The following ZNF366 variants were observed in gnomAD, a reference collection of about 807,000 sequenced individuals.
The protein encoded by ZNF366 is dendritic cell-specific transcript protein.
Under a neutral mutation model 47.2 loss-of-function variants are expected in ZNF366, and 20 were observed. The ratio of observed to expected loss-of-function variants is 0.42; its 90% CI spans 0.30 to 0.62. ZNF366 has a LOEUF of 0.62. ZNF366 is among the 20% of genes least tolerant of loss of function. ZNF366 has a pLI of 0.16. For missense variants in ZNF366, 987 were observed against 976.3 expected (o/e 1.01, Z -0.15); for synonymous variants, 421 against 395.1 (o/e 1.07, Z -0.78).
At chr5:72,486,234 G>A (rs1239376421) in intron 1 of ZNF366, among the ~76,000 whole-genome samples, 3 of 152,210 alleles carry the variant, frequency 2.0e-5, no homozygotes, top group African/African-American at 7.2e-5. Context: ...TGAGACTAAA[G>A]CTTAGCCTAT....
chr5:72,473,593 A>T (rs1743613144), intron 1 of ZNF366, among the ~76,000 whole-genome samples: 1 of 152,182 alleles, frequency 6.6e-6, no homozygotes, highest in Non-Finnish European at 1.5e-5. Context: ...CTGATTGGCC[A>T]TCCAGAAATG....
chr5:72,448,541 T>A (rs10069831), intron 3 of ZNF366, among the ~76,000 whole-genome samples: 48,286 of 151,948 alleles, frequency 0.32, 8,205 homozygotes, highest in East Asian at 0.38. Flanking sequence ...TGTCTGTGAT[T>A]GGACAAGAAT....
intron 3 of ZNF366, among the ~76,000 whole-genome samples, chr5:72,455,558 A>G (rs1475583869): frequency 3.9e-5 from 6 of 152,180 alleles, no homozygotes; most frequent in Non-Finnish European, 8.8e-5. Context: ...GTCATGGCCA[A>G]TGCTCTCTCC....
intron 1 of ZNF366, among the ~76,000 whole-genome samples, chr5:72,463,804 T>C (rs757913055): frequency 3.3e-5 from 5 of 152,226 alleles, no homozygotes; most frequent in Non-Finnish European, 5.9e-5. Context: ...GGTCCTGATC[T>C]CTAGATTCAC....
At position 72,461,391 on chromosome 5, in the gene ZNF366, C is replaced by G; in HGVS notation, c.106G>C (p.Gly36Arg). Residue 36 changes from glycine to arginine, a missense_variant, in exon 2 of 5, where the codon GGA becomes CGA. Around this residue, in one of 3 missense-constraint regions of ZNF366, gnomAD observed 591 missense variants for 560.9 expected, o/e 1.05. Coordinates refer to ENST00000318442, the MANE Select transcript of ZNF366 (RefSeq NM_152625.3). ...PHCLQPVASR[G>R]KAPQRHPFPE... ...AAGGGGTGTCTTTGGGGAGCCTTTC[C>G]CCGAGAAGCCACTGGCTGCAGGCAG... 1 of 1,613,758 alleles carries G rather than the reference C, an allele frequency of 6.2e-7. No homozygotes were observed. The highest frequency in any genetic ancestry group is 8.5e-7 in the Non-Finnish European group (1 of 1,179,804).
chr5:72,455,098 G>A (rs1235083273), intron 3 of ZNF366, among the ~76,000 whole-genome samples: 2 of 152,146 alleles, frequency 1.3e-5, no homozygotes, highest in Non-Finnish European at 2.9e-5. Flanking sequence ...GATGTAAATT[G>A]ACTTTCGAAC....
chr5:72,450,547 T>G (rs1023645890), intron 3 of ZNF366, among the ~76,000 whole-genome samples: 4 of 152,122 alleles, frequency 2.6e-5, no homozygotes, highest in African/African-American at 9.7e-5. Flanking sequence ...CATGCAAAAT[T>G]CTAAAAAGCA....
At chr5:72,453,093 C>T (rs1215096967) in intron 3 of ZNF366, among the ~76,000 whole-genome samples, 3 of 152,188 alleles carry the variant, frequency 2.0e-5, no homozygotes, top group Non-Finnish European at 4.4e-5. Flanking sequence ...TTGTTAATGC[C>T]TAATCCCACA....
At chr5:72,484,350 G>A (rs1340086700) in intron 1 of ZNF366, among the ~76,000 whole-genome samples, 6 of 150,072 alleles carry the variant, frequency 4.0e-5, no homozygotes, top group African/African-American at 1.5e-4. Flanking sequence ...CGGGCGTAGT[G>A]GCGGGCGCCT....
Position 72,460,876 on chromosome 5 carries a change from C to T in ZNF366, c.621G>A (p.Gln207=), listed in dbSNP as rs770012293. The change falls in exon 2 of 5, where the codon CAG becomes CAA. Residue 207 remains glutamine (Q), a synonymous_variant. Transcript: ENST00000318442. ...PFSRHTFLPK[Q]PPEPLLPRKA... Reference sequence around the variant, plus strand: ...TCCGGGGCAGCAGAGGTTCCGGGGGCTGCTTGGGCAGGAAGGTGTGCCGGC... The same window carrying T: ...TCCGGGGCAGCAGAGGTTCCGGGGGTTGCTTGGGCAGGAAGGTGTGCCGGC... 1.9e-6 allele frequency: 3 copies of T among 1,613,856 alleles called. No homozygotes were observed. Among genetic ancestry groups the T allele is most frequent in the Non-Finnish European group, 2.5e-6 (3 of 1,179,846 alleles).
chr5:72,469,457 C>A (rs1254890323), intron 1 of ZNF366, among the ~76,000 whole-genome samples: 2 of 152,042 alleles, frequency 1.3e-5, no homozygotes, highest in African/African-American at 2.4e-5. Context: ...GCCAAGGTGA[C>A]CAGACCCCAC....
chr5:72,469,533 C>CA (rs1448039470), intron 1 of ZNF366, among the ~76,000 whole-genome samples: 1 of 151,934 alleles, frequency 6.6e-6, no homozygotes, highest in Non-Finnish European at 1.5e-5. Context: ...CAGAGGGGAA[C>CA]AGGGTTATGA....
chr5:72,444,171 T>C lies in ZNF366; in HGVS notation c.1820A>G (p.Asp607Gly). Residue 607 changes from aspartate (D) to glycine (G), a missense_variant, in exon 5 of 5, where the codon GAC (aspartate) becomes GGC (glycine). By Grantham distance (94) the Asp-to-Gly change is moderately conservative. Around this residue, in one of 3 missense-constraint regions of ZNF366, gnomAD observed 285 missense variants for 234.8 expected, o/e 1.21. Coordinates refer to ENST00000318442, the MANE Select transcript of ZNF366 (RefSeq NM_152625.3). The stretch of plus-strand genomic sequence containing the variant: ...GTGGCTGCCCTGGGCACTCTCCCCG[T>C]CTGACTGGAACACCGGCACCTTGGC... ...RRAKVPVFQS[D>G]GESAQGSHCH... The C allele has an allele frequency of 6.2e-7, 1 of 1,613,524 alleles. No homozygotes were observed. The highest frequency in any genetic ancestry group is 8.5e-7 in the Non-Finnish European group (1 of 1,180,026).
chr5:72,446,708 G>C (rs1294023048), intron 4 of ZNF366, among the ~76,000 whole-genome samples: 1 of 152,186 alleles, frequency 6.6e-6, no homozygotes, highest in Non-Finnish European at 1.5e-5. Flanking sequence ...GACCTAGCCT[G>C]CTACCAACAT....
At chr5:72,475,968 G>A (rs755543722) in intron 1 of ZNF366, among the ~76,000 whole-genome samples, 6 of 152,282 alleles carry the variant, frequency 3.9e-5, no homozygotes, top group Middle Eastern at 3.4e-3. Flanking sequence ...AAGAAGCAAA[G>A]TATGACCCCA....
intron 3 of ZNF366, among the ~76,000 whole-genome samples, chr5:72,452,409 AC>A (rs1188002190): frequency 2.0e-5 from 3 of 152,208 alleles, no homozygotes; most frequent in Non-Finnish European, 4.4e-5. Context: ...GGCAGTTCAT[AC>A]GGCTATATCC....
intron 2 of ZNF366, among the ~76,000 whole-genome samples, chr5:72,458,259 G>A (rs530128894): frequency 1.3e-4 from 20 of 152,018 alleles, no homozygotes; most frequent in South Asian, 4.2e-4. Flanking sequence ...CTTGTGATCC[G>A]CCCGTCTCGG....
At chr5:72,492,043 T>C (rs1305241168) in intron 1 of ZNF366, among the ~76,000 whole-genome samples, 1 of 152,206 alleles carries the variant, frequency 6.6e-6, no homozygotes, top group African/African-American at 2.4e-5. Context: ...TGAGGAGACA[T>C]AAAACCATAC....
At chr5:72,462,797 C>T (rs575762236) in intron 1 of ZNF366, among the ~76,000 whole-genome samples, 18 of 152,210 alleles carry the variant, frequency 1.2e-4, no homozygotes, top group East Asian at 1.2e-3. Context: ...GTGATCCACC[C>T]GCCTCGGCCT....
Sources: gnomAD v4.1 joint callset for allele counts (sites outside exome capture counted in the v4.1 genomes callset) on GRCh38, gnomAD v4.1.1 for gene constraint, gnomAD v4.1.1 regional missense constraint, MANE v1.5 for transcripts, NCBI Gene and HGNC (gene_info 2026-07-23, HGNC 2026-07-21) for gene names.